ATP2A2: variants seen among roughly 807,000 people sequenced by gnomAD.
ATP2A2 encodes ATPase sarcoplasmic/endoplasmic reticulum Ca2+ transporting 2.
Under a neutral mutation model 109.3 loss-of-function variants are expected in ATP2A2, and 14 were observed. The observed-to-expected ratio is 0.13, with a 90% CI of 0.08 to 0.20. ATP2A2 has a LOEUF of 0.20. Ranked by LOEUF, ATP2A2 falls within the 10% of genes least tolerant of loss-of-function variation. The pLI, the probability that ATP2A2 is intolerant of heterozygous loss-of-function variation, is 1.00. For missense variants in ATP2A2, 657 were observed against 1,321.6 expected (o/e 0.50, Z 7.80); for synonymous variants, 506 against 490.9 (o/e 1.03, Z -0.41).
At chr12:110,284,287 T>C (rs1461435390) in intron 3 of ATP2A2, among the ~76,000 whole-genome samples, 1 of 152,232 alleles carries the variant, frequency 6.6e-6, no homozygotes, top group Non-Finnish European at 1.5e-5. Context: ...ATGATACATT[T>C]GGAGCTAGTG....
chr12:110,297,813 T>G (rs1348195321), intron 5 of ATP2A2, among the ~76,000 whole-genome samples: 1 of 152,048 alleles, frequency 6.6e-6, no homozygotes, highest in African/African-American at 2.4e-5. Flanking sequence ...AGAGGGAGTT[T>G]TGCCATGTTG....
At chr12:110,330,844 C>CT (rs1878262074) in intron 8 of ATP2A2, 1 of 152,160 alleles carries the variant, frequency 6.6e-6, no homozygotes, top group African/African-American at 2.4e-5. Context: ...AAATGGTTGA[C>CT]TTGCTCACAG....
At chr12:110,315,133 T>C (rs1876532572) in intron 5 of ATP2A2, among the ~76,000 whole-genome samples, 1 of 152,228 alleles carries the variant, frequency 6.6e-6, no homozygotes, top group Admixed American at 6.5e-5. Flanking sequence ...TCCAGAGTGC[T>C]GGGATTACAG....
rs1880271869 is a variant in ATP2A2 at position 110,350,211 on chromosome 12, A to T, written c.*3741A>T. 6 of 1,613,540 alleles carry T rather than the reference A, an allele frequency of 3.7e-6. No homozygotes were observed. The highest frequency in any genetic ancestry group is 5.1e-6 in the Non-Finnish European group (6 of 1,179,900). Reference sequence around the variant, plus strand: ...TGTTCCTTTTCATCTGTCGCTGTTGATCTTCATCTATTTAAATAGGTATTC... The same window carrying T: ...TGTTCCTTTTCATCTGTCGCTGTTGTTCTTCATCTATTTAAATAGGTATTC... On this transcript the variant is annotated 3_prime_UTR_variant, in exon 20 of 20. Transcript: ENST00000539276.
At chr12:110,341,246 CTT>C (rs1566239331) in intron 14 of ATP2A2, among the ~76,000 whole-genome samples, 1 of 149,368 alleles carries the variant, frequency 6.7e-6, no homozygotes, top group African/African-American at 2.4e-5. Context: ...GATCTAGTCT[CTT>C]TTTTAAATGA....
rs557881989 is a variant in ATP2A2 at position 110,325,411 on chromosome 12, A to T, written c.545-979A>T. Among the ~76,000 whole-genome samples the T allele has an allele frequency of 6.6e-5, 10 of 152,096 alleles. 1 individual carries two copies. The South Asian group carries it at 2.1e-3, about 32-fold the overall frequency. ...CACTTTGGGAGGCCGAGGTGGGGGG[A>T]TCACCTCAGGTCAGGAGTTTGAGAC... is the stretch of plus-strand genomic sequence containing the variant. On this transcript the variant is annotated intron_variant, in intron 6 of 19. Transcript: ENST00000539276.
chr12:110,347,506 G>T lies in ATP2A2; in HGVS notation c.*1036G>T. The T allele has an allele frequency of 7.8e-7, 1 of 1,289,018 alleles. No individual in the cohort carries two copies. Among genetic ancestry groups the T allele is most frequent in the Non-Finnish European group, 1.0e-6 (1 of 988,590 alleles). 79.8% of individuals were successfully genotyped at this position (1,289,018 alleles called of 1,614,324 possible). A position where few individuals can be genotyped will look rare whatever the true frequency, so the allele number is the denominator to read the frequency against. ...AATGTACAGGCACTAATTGTCATCT[G>T]TGATGTACATTTTATGCAAGTTTCT... On this transcript the variant is annotated 3_prime_UTR_variant, in exon 20 of 20. Transcript: ENST00000539276.
rs1880233418 is a variant in ATP2A2 at position 110,349,812 on chromosome 12, C to T, written c.*3342C>T. 1 of 1,032,250 alleles carries T rather than the reference C, an allele frequency of 9.7e-7. No individual in the cohort carries two copies. The highest frequency in any genetic ancestry group is 1.2e-6 in the Non-Finnish European group (1 of 857,736). 63.9% of individuals were successfully genotyped at this position (1,032,250 alleles called of 1,614,324 possible). A position where few individuals can be genotyped will look rare whatever the true frequency, so the allele number is the denominator to read the frequency against. On this transcript the variant is annotated 3_prime_UTR_variant, in exon 20 of 20. Coordinates refer to ENST00000539276, the MANE Select transcript of ATP2A2 (RefSeq NM_170665.4). Reference sequence around the variant, plus strand: ...AGCAAGAAGGGTAGGCTTCACCCTCCTTTACTGAGGAGAATGATGCGGAGG... The same window carrying T: ...AGCAAGAAGGGTAGGCTTCACCCTCTTTTACTGAGGAGAATGATGCGGAGG...
chr12:110,350,611 G>C lies in ATP2A2; in HGVS notation c.*4141G>C. ...AACCTTATCTAAGAACTTGGAAGCC[G>C]TCAGCCAAGTCGCCACATTTCTCTG... is the stretch of plus-strand genomic sequence containing the variant. On this transcript the variant is annotated 3_prime_UTR_variant, in exon 20 of 20. Transcript: ENST00000539276. 1 of 474,190 alleles carries C rather than the reference G, an allele frequency of 2.1e-6. No homozygotes were observed. The highest frequency in any genetic ancestry group is 3.8e-6 in the Non-Finnish European group (1 of 264,082). 29.4% of individuals were successfully genotyped at this position (474,190 alleles called of 1,614,324 possible). A position where few individuals can be genotyped will look rare whatever the true frequency, so the allele number is the denominator to read the frequency against.
intron 5 of ATP2A2, among the ~76,000 whole-genome samples, chr12:110,305,182 C>T (rs1875145142): frequency 6.6e-6 from 1 of 152,168 alleles, no homozygotes; most frequent in African/African-American, 2.4e-5. Context: ...GATCCGCCTG[C>T]CTCAGCCTCT....
At chr12:110,291,253 G>T (rs1873255939) in intron 3 of ATP2A2, among the ~76,000 whole-genome samples, 1 of 151,858 alleles carries the variant, frequency 6.6e-6, no homozygotes, top group Non-Finnish European at 1.5e-5. Flanking sequence ...GCCCAGGCTG[G>T]AGTGCAGTGG....
At chr12:110,341,644 A>G (rs539793350) in intron 14 of ATP2A2, among the ~76,000 whole-genome samples, 1 of 152,256 alleles carries the variant, frequency 6.6e-6, no homozygotes, top group African/African-American at 2.4e-5. Context: ...AGGCCGAGGC[A>G]GGTGAATCAC....
At chr12:110,304,699 G>A (rs754477597) in intron 5 of ATP2A2, among the ~76,000 whole-genome samples, 3 of 151,816 alleles carry the variant, frequency 2.0e-5, no homozygotes, top group Non-Finnish European at 4.4e-5. Flanking sequence ...CATTCTATAG[G>A]GATTCCTTTT....
At chr12:110,300,116 TCCCTCCCCTCCCCTC>T (rs373588693) in intron 5 of ATP2A2, among the ~76,000 whole-genome samples, 20 of 103,312 alleles carry the variant, frequency 1.9e-4, no homozygotes, top group Non-Finnish European at 2.7e-4. Flanking sequence ...CCTCCCCCTT[TCCCTCCCCTCCCCTC>T]CCCTCCCCTC....
intron 5 of ATP2A2, among the ~76,000 whole-genome samples, chr12:110,314,282 C>T (rs922030347): frequency 6.7e-6 from 1 of 149,748 alleles, no homozygotes; most frequent in African/African-American, 2.5e-5. Context: ...GAGCTGATAT[C>T]GTGCCATTGC....
At chr12:110,301,922 C>A (rs1393699277) in intron 5 of ATP2A2, among the ~76,000 whole-genome samples, 1 of 152,084 alleles carries the variant, frequency 6.6e-6, no homozygotes, top group South Asian at 2.1e-4. Flanking sequence ...TTAATTTGCT[C>A]AATGCACTGA....
intron 8 of ATP2A2, among the ~76,000 whole-genome samples, chr12:110,329,153 AC>A (rs1489013344): frequency 6.6e-6 from 1 of 152,200 alleles, no homozygotes; most frequent in East Asian, 1.9e-4. Context: ...ATACTTGAAA[AC>A]ATCTCCAGAT....
rs763393717 is a variant in ATP2A2, at chr12:110,343,401, G to A, written c.2488G>A (p.Gly830Arg). ...PRNPKEPLIS[G>R]WLFFRYLAIG... is the part of the protein sequence containing the mutation. The stretch of plus-strand genomic sequence containing the variant: ...GAACCCAAAGGAACCATTGATCAGC[G>A]GGTGGCTCTTTTTCCGTTACTTGGC... The change falls in exon 16 of 20, where the codon GGG becomes AGG. Residue 830 changes from glycine to arginine, a missense_variant. By Grantham distance (125) the Gly-to-Arg change is moderately radical. Coordinates refer to ENST00000539276, the MANE Select transcript of ATP2A2 (RefSeq NM_170665.4). 1.1e-5 allele frequency: 18 copies of A among 1,614,066 alleles called. No individual in the cohort carries two copies. The highest frequency in any genetic ancestry group is 6.6e-5 in the South Asian group (6 of 91,090).
chr12:110,312,340 G>T (rs1592826090), intron 5 of ATP2A2, among the ~76,000 whole-genome samples: 1 of 152,112 alleles, frequency 6.6e-6, no homozygotes, highest in African/African-American at 2.4e-5. Flanking sequence ...TGATTATTCT[G>T]CATTTCTAAT....
Sources: gnomAD v4.1 joint callset for allele counts (sites outside exome capture counted in the v4.1 genomes callset) on GRCh38, gnomAD v4.1.1 for gene constraint, MANE v1.5 for transcripts, NCBI Gene and HGNC (gene_info 2026-07-23, HGNC 2026-07-21) for gene names.